Variants in FAM135A observed in about 807,000 individuals in gnomAD.
The protein encoded by FAM135A is protein FAM135A.
In FAM135A, 79 loss-of-function variants were observed where a neutral mutation model predicts 146.8. The observed-to-expected ratio is 0.54, with a 90% CI of 0.45 to 0.65. The LOEUF is 0.65. FAM135A is among the 30% of genes least tolerant of loss of function. FAM135A has a pLI of 0.00. For synonymous variants in FAM135A, 562 were observed against 603.6 expected (o/e 0.93, Z 1.01); for missense variants, 1,623 against 1,758.2 (o/e 0.92, Z 1.38).
intron 4 of FAM135A, among the ~76,000 whole-genome samples, chr6:70,446,674 CATT>C (rs1775825523): frequency 6.6e-6 from 1 of 152,168 alleles, no homozygotes; most frequent in Non-Finnish European, 1.5e-5. Context: ...TACATTGAGG[CATT>C]ATTACCGGCC....
intron 5 of FAM135A, among the ~76,000 whole-genome samples, chr6:70,471,395 G>T (rs930357186): frequency 1.3e-5 from 2 of 152,158 alleles, no homozygotes; most frequent in African/African-American, 2.4e-5. Flanking sequence ...TTGAATTTGT[G>T]GTCTTAGAGG....
intron 10 of FAM135A, among the ~76,000 whole-genome samples, chr6:70,485,254 G>A (rs1401690700): frequency 1.3e-5 from 2 of 151,820 alleles, no homozygotes; most frequent in Admixed American, 6.6e-5. Flanking sequence ...AGTTTCCTAG[G>A]GATTTTTAAA....
intron 21 of FAM135A, among the ~76,000 whole-genome samples, chr6:70,558,461 C>T (rs1192472170): frequency 6.6e-6 from 1 of 152,188 alleles, no homozygotes; most frequent in Non-Finnish European, 1.5e-5. Context: ...TGGATGTATT[C>T]TAATCGTTAT....
In FAM135A at chr6:70,560,266, C is replaced by A. The variant is rs1321539774; in HGVS notation, c.*345C>A. On this transcript the variant is annotated 3_prime_UTR_variant, in exon 22 of 22. Transcript: ENST00000418814. Reference sequence around the variant, plus strand: ...ACATCAGACTACATTATATTAGAGACCATTATTGCTAGAATAGCATGGGAT... The same window carrying A: ...ACATCAGACTACATTATATTAGAGAACATTATTGCTAGAATAGCATGGGAT... 6.0e-6 allele frequency: 1 copy of A among 166,210 alleles called. No individual in the cohort carries two copies. Among genetic ancestry groups the A allele is most frequent in the Non-Finnish European group, 1.3e-5 (1 of 77,416 alleles). 10.3% of individuals were successfully genotyped at this position (166,210 alleles called of 1,614,324 possible).
Position 70,533,801 on chromosome 6 carries a change from G to A in FAM135A, c.3912G>A (p.Leu1304=). The A allele has an allele frequency of 6.3e-7, 1 of 1,586,352 alleles. No homozygotes were observed. Among genetic ancestry groups the A allele is most frequent in the African/African-American group, 1.4e-5 (1 of 73,444 alleles). ...TTGATAGCATGACTGATCGTCTTTTGGATGAGATAATACAGTATATTCAGA... is the reference window on the plus strand; with the variant it reads ...TTGATAGCATGACTGATCGTCTTTTAGATGAGATAATACAGTATATTCAGA... ...ADFDSMTDRL[L]DEIIQYIQIY... Residue 1304 remains leucine, a synonymous_variant, in exon 18 of 22, where the codon TTG becomes TTA. Coordinates refer to ENST00000418814, the MANE Select transcript of FAM135A (RefSeq NM_001162529.3).
At chr6:70,473,152 A>T (rs1333627365) in intron 5 of FAM135A, among the ~76,000 whole-genome samples, 2 of 152,202 alleles carry the variant, frequency 1.3e-5, no homozygotes, top group African/African-American at 4.8e-5. Flanking sequence ...TGGCCGGGGC[A>T]TTCTCTTCCA....
chr6:70,414,450 C>T (rs532836122), intron 1 of FAM135A, among the ~76,000 whole-genome samples: 2 of 152,216 alleles, frequency 1.3e-5, no homozygotes, highest in South Asian at 4.2e-4. Context: ...TCCTCACGTC[C>T]TTTTCCATTC....
intron 9 of FAM135A, among the ~76,000 whole-genome samples, 177 bp from the exon 10 acceptor site, chr6:70,481,824 A>G (rs575318205): frequency 4.9e-4 from 75 of 152,320 alleles, no homozygotes; most frequent in African/African-American, 1.8e-3. Context: ...TACTAGGGCC[A>G]CATTTCATGT....
Position 70,482,059 on chromosome 6 carries a change from C to T in FAM135A, c.728C>T (p.Thr243Ile), listed in dbSNP as rs758295772. Residue 243 changes from threonine to isoleucine, a missense_variant, in exon 10 of 22, where the codon ACA (threonine) becomes ATA (isoleucine). Around this residue, in one of 7 missense-constraint regions of FAM135A, gnomAD observed 206 missense variants for 194.7 expected, o/e 1.06. Transcript: ENST00000418814. ...FLHHAYRFHYTLCATLLLAFK... is the reference protein window; with the variant it reads ...FLHHAYRFHYILCATLLLAFK... ...CATCATGCGTATCGTTTTCATTATA[C>T]ACTTTGTGCCACTTTGCTGCTAGCC... 7.4e-6 allele frequency: 12 copies of T among 1,613,786 alleles called. No individual in the cohort carries two copies. The highest frequency in any genetic ancestry group is 1.3e-5 in the African/African-American group (1 of 75,026).
chr6:70,495,905 G>A (rs1341106475), intron 11 of FAM135A, among the ~76,000 whole-genome samples: 1 of 152,120 alleles, frequency 6.6e-6, no homozygotes, highest in Non-Finnish European at 1.5e-5. Context: ...TTCTGTTCCT[G>A]TGTTAGTTTG....
chr6:70,557,271 T>C (rs769025829), intron 21 of FAM135A: 8 of 253,984 alleles, frequency 3.1e-5, no homozygotes, highest in African/African-American at 6.6e-5. Flanking sequence ...TATTTGTGAA[T>C]AACAAAATAA....
At position 70,549,623 on chromosome 6, in the gene FAM135A, A is replaced by G. The variant is rs949681721; in HGVS notation, c.4229-7127A>G. Among the ~76,000 whole-genome samples the G allele has an allele frequency of 1.2e-4, 18 of 152,304 alleles. 1 individual carries two copies. The highest frequency in any genetic ancestry group is 3.4e-3 in the Middle Eastern group (1 of 294). On this transcript the variant is annotated intron_variant, in intron 20 of 21. Transcript: ENST00000418814. ...AATAGCATTATATCTAAAAAAAAGT[A>G]TGCATACTTTAATTTTAAAATACTT... is the stretch of plus-strand genomic sequence containing the variant.
In FAM135A at chr6:70,525,379, T is replaced by C. The variant is rs1794495458; in HGVS notation, c.2295T>C (p.Ser765=). The C allele has an allele frequency of 1.2e-6, 2 of 1,613,768 alleles. No individual in the cohort carries two copies. Among genetic ancestry groups the C allele is most frequent in the Non-Finnish European group, 1.7e-6 (2 of 1,179,692 alleles). Residue 765 remains serine (S), a synonymous_variant, in exon 15 of 22, where the codon TCT becomes TCC. Coordinates refer to ENST00000418814, the MANE Select transcript of FAM135A (RefSeq NM_001162529.3). Reference sequence around the variant, plus strand: ...ATATTAGTGCCACATATGCCTCATCTAGATTTTCAGATTCAGGTGTTGAAA... The same window carrying C: ...ATATTAGTGCCACATATGCCTCATCCAGATTTTCAGATTCAGGTGTTGAAA... ...LPDISATYAS[S]RFSDSGVESE...
At position 70,491,055 on chromosome 6, in the gene FAM135A, G is replaced by T; in HGVS notation, c.845G>T (p.Arg282Leu). Residue 282 changes from arginine to leucine, a missense_variant, in exon 11 of 22, where the codon CGA becomes CTA. Transcript: ENST00000418814. The part of the protein sequence containing the change: ...LELEEMDVEA[R>L]LTELCEEVKK... Reference sequence around the variant, plus strand: ...CCAGAGGAAATGGATGTAGAAGCTCGACTTACTGAACTATGTGAAGAAGTT... The same window carrying T: ...CCAGAGGAAATGGATGTAGAAGCTCTACTTACTGAACTATGTGAAGAAGTT... 2 of 1,599,662 alleles carry T rather than the reference G, an allele frequency of 1.3e-6. No individual in the cohort carries two copies. Among genetic ancestry groups the T allele is most frequent in the South Asian group, 1.1e-5 (1 of 88,344 alleles).
rs1275787068 is a variant in FAM135A at position 70,521,780 on chromosome 6, G to A, written c.1030-733G>A. Among the ~76,000 whole-genome samples, 5 of 152,254 alleles carry A rather than the reference G, an allele frequency of 3.3e-5. No individual in the cohort carries two copies. The East Asian group carries it at 9.7e-4, about 29-fold the overall frequency. Reference sequence around the variant, plus strand: ...TTTCCTTTCATAATTAAAAATGAAAGGGTTAAAATACAAATATAATGGAAG... The same window carrying A: ...TTTCCTTTCATAATTAAAAATGAAAAGGTTAAAATACAAATATAATGGAAG... On this transcript the variant is annotated intron_variant, in intron 12 of 21. Transcript: ENST00000418814.
chr6:70,528,652 A>C (rs1392118627), intron 16 of FAM135A, among the ~76,000 whole-genome samples, 200 bp downstream of exon 16: 6 of 152,006 alleles, frequency 3.9e-5, no homozygotes, highest in Admixed American at 3.9e-4. Flanking sequence ...TTCGTAAGTA[A>C]ATTTTCCATG....
At chr6:70,472,782 G>GT (rs1781864418) in intron 5 of FAM135A, among the ~76,000 whole-genome samples, 1 of 152,102 alleles carries the variant, frequency 6.6e-6, no homozygotes, top group Non-Finnish European at 1.5e-5. Context: ...GTGTTCTTCA[G>GT]TTTGCATGGG....
At chr6:70,422,388 C>CT (rs1309720986) in intron 2 of FAM135A, among the ~76,000 whole-genome samples, 1 of 152,144 alleles carries the variant, frequency 6.6e-6, no homozygotes, top group Non-Finnish European at 1.5e-5. Flanking sequence ...CCTTTAGTCC[C>CT]TTTTTTGTAT....
chr6:70,443,857 A>T (rs538374554), intron 4 of FAM135A, among the ~76,000 whole-genome samples: 6 of 152,190 alleles, frequency 3.9e-5, no homozygotes, highest in Admixed American at 3.9e-4. Flanking sequence ...AAGCAGCTTA[A>T]TTGCTTTGCC....
Sources: allele counts gnomAD v4.1 joint callset (sites outside exome capture counted in the v4.1 genomes callset), GRCh38; gene constraint gnomAD v4.1.1; regional missense constraint gnomAD v4.1.1; transcripts MANE v1.5; gene names NCBI Gene and HGNC (gene_info 2026-07-23, HGNC 2026-07-21).